Variants in PMM2 observed in about 807,000 individuals in gnomAD.
The protein encoded by PMM2 is phosphomannomutase 2.
A neutral mutation model predicts 33.2 loss-of-function variants in PMM2; 35 were observed. The observed-to-expected ratio is 1.06, with a 90% CI of 0.81 to 1.40. The LOEUF (loss-of-function observed/expected upper bound fraction) is 1.40. Ranked by LOEUF, PMM2 falls within the 40% of genes most tolerant of loss-of-function variation. PMM2 has a pLI of 0.00. For missense variants in PMM2, 386 were observed against 306.0 expected, an observed-to-expected ratio of 1.26 and a Z score of -1.95; for synonymous variants, 153 against 114.7, an observed-to-expected ratio of 1.33 and a Z score of -2.13.
chr16:8,815,627 G>T (rs576421891), intron 7 of PMM2, among the ~76,000 whole-genome samples: 11 of 152,244 alleles, frequency 7.2e-5, no homozygotes, highest in African/African-American at 1.7e-4. Context: ...AGTGAACACG[G>T]GGGTACAGAT....
At chr16:8,825,562 C>T (rs1438451113) in intron 7 of PMM2, among the ~76,000 whole-genome samples, 1 of 151,868 alleles carries the variant, frequency 6.6e-6, no homozygotes, top group Non-Finnish European at 1.5e-5. Context: ...CCCACGTGAT[C>T]GCCCACCTCA....
At chr16:8,836,078 A>T (rs1211487770) in intron 7 of PMM2, among the ~76,000 whole-genome samples, 1 of 151,602 alleles carries the variant, frequency 6.6e-6, no homozygotes, top group East Asian at 1.9e-4. Flanking sequence ...GGGGAGTTTT[A>T]AGAGGTTTAG....
chr16:8,814,945 C>T (rs1021825298), intron 7 of PMM2, among the ~76,000 whole-genome samples: 2 of 152,170 alleles, frequency 1.3e-5, no homozygotes, highest in Non-Finnish European at 1.5e-5. Context: ...ACACATCTTA[C>T]ATAACTGAGA....
chr16:8,820,252 A>T (rs539567962), intron 7 of PMM2, among the ~76,000 whole-genome samples: 4 of 152,110 alleles, frequency 2.6e-5, no homozygotes, highest in African/African-American at 9.6e-5. Context: ...ATCAGTGTGG[A>T]CCATGTTGAC....
chr16:8,820,650 G>A (rs1028032409), intron 7 of PMM2, among the ~76,000 whole-genome samples: 1 of 152,128 alleles, frequency 6.6e-6, no homozygotes, highest in African/African-American at 2.4e-5. Flanking sequence ...CACCACTCCC[G>A]ACCACAGTTG....
intron 4 of PMM2, chr16:8,810,625 G>C (rs111268601): frequency 0.016 from 2,466 of 156,588 alleles, 73 homozygotes; most frequent in African/African-American, 0.059. Flanking sequence ...CACCCAGACT[G>C]GAGTGCAGTG....
intron 7 of PMM2, among the ~76,000 whole-genome samples, chr16:8,836,908 C>G (rs759265467): frequency 6.6e-6 from 1 of 151,898 alleles, no homozygotes; most frequent in Non-Finnish European, 1.5e-5. Flanking sequence ...GCTCCAGCCA[C>G]CTTTTCAAGA....
intron 7 of PMM2, among the ~76,000 whole-genome samples, chr16:8,843,361 G>A (rs575177509): frequency 3.2e-4 from 48 of 152,126 alleles, no homozygotes; most frequent in African/African-American, 9.9e-4. Context: ...ATCTTCAGCC[G>A]CTAAGCCAAG....
At chr16:8,827,216 G>C (rs773992152) in intron 7 of PMM2, among the ~76,000 whole-genome samples, 2 of 151,778 alleles carry the variant, frequency 1.3e-5, no homozygotes, top group Non-Finnish European at 2.9e-5. Flanking sequence ...GGAGTCCCCA[G>C]CTGTCAGAAA....
In PMM2 at chr16:8,847,900, C is replaced by G; in HGVS notation, c.*75C>G. 1 of 1,126,258 alleles carries G rather than the reference C, an allele frequency of 8.9e-7. No homozygotes were observed. Among genetic ancestry groups the G allele is most frequent in the East Asian group, 2.4e-5 (1 of 41,412 alleles). The allele number at this position is 1,126,258 out of a possible 1,614,324, so 69.8% of individuals were successfully genotyped here. A position where few individuals can be genotyped will look rare whatever the true frequency, so the allele number is the denominator to read the frequency against. ...TTCGGTGGCCAGAGCCGAGGGTCCT[C>G]CCACACGTGCTCACCCACCCGCAGC... On this transcript the variant is annotated 3_prime_UTR_variant, in exon 8 of 8. Transcript: ENST00000268261.
intron 7 of PMM2, among the ~76,000 whole-genome samples, chr16:8,816,728 C>T (rs1205733926): frequency 2.6e-5 from 4 of 151,870 alleles, no homozygotes; most frequent in East Asian, 1.9e-4. Context: ...GCAACAAGAG[C>T]GAAACTCGGT....
intron 2 of PMM2, among the ~76,000 whole-genome samples, chr16:8,803,374 A>G (rs1158613106): frequency 6.6e-6 from 1 of 152,142 alleles, no homozygotes; most frequent in Admixed American, 6.5e-5. Context: ...CCCTTTCTGC[A>G]TCTAGTTGTG....
chr16:8,815,494 T>C (rs2060703044), intron 7 of PMM2, among the ~76,000 whole-genome samples: 2 of 152,200 alleles, frequency 1.3e-5, no homozygotes, highest in Admixed American at 1.3e-4. Context: ...GCCTCCTAAA[T>C]TGATGGGATT....
At chr16:8,806,958 C>T (rs17651644) in intron 4 of PMM2, 34,449 of 155,012 alleles carry the variant, frequency 0.22, 4,659 homozygotes, top group South Asian at 0.34. Context: ...GATTAATTGC[C>T]ATCATGTAAA....
intron 1 of PMM2, among the ~76,000 whole-genome samples, chr16:8,801,170 A>G (rs927084519): frequency 6.6e-6 from 1 of 152,248 alleles, no homozygotes; most frequent in Non-Finnish European, 1.5e-5. Context: ...TTTATGTTTC[A>G]AAAATAAGAC....
In PMM2 at chr16:8,811,105, G is replaced by A; in HGVS notation, c.374G>A (p.Gly125Glu). ...KRGTFIEFRN[G>E]MLNVSPIGRS... ...GGTACTTTCATTGAATTCCGAAATG[G>A]GATGTTAAACGTGTCCCCTATTGGA... Residue 125 changes from glycine to glutamate, a missense_variant, in exon 5 of 8, where the codon GGG (glycine) becomes GAG (glutamate). Coordinates refer to ENST00000268261, the MANE Select transcript of PMM2 (RefSeq NM_000303.3). 6.4e-7 allele frequency: 1 copy of A among 1,573,832 alleles called. No homozygotes were observed. Among genetic ancestry groups the A allele is most frequent in the Admixed American group, 1.8e-5 (1 of 56,106 alleles).
intron 7 of PMM2, among the ~76,000 whole-genome samples, chr16:8,836,531 G>C (rs7203331): frequency 6.6e-6 from 1 of 151,866 alleles, no homozygotes; most frequent in African/African-American, 2.4e-5. Context: ...CGGTTCAGGC[G>C]TTTGGAAGTT....
At chr16:8,836,506 A>G (rs2060848964) in intron 7 of PMM2, among the ~76,000 whole-genome samples, 1 of 151,938 alleles carries the variant, frequency 6.6e-6, no homozygotes, top group Non-Finnish European at 1.5e-5. Context: ...GTTCTGGAGG[A>G]ACGCCTGGCT....
At position 8,847,867 on chromosome 16, in the gene PMM2, A is replaced by G. The variant is rs896854799; in HGVS notation, c.*42A>G. The stretch of plus-strand genomic sequence containing the variant: ...GCGGGGTCCCGGCTGACAAGCCAGC[A>G]TAGGGCATTCGGTGGCCAGAGCCGA... On this transcript the variant is annotated 3_prime_UTR_variant, in exon 8 of 8. Transcript: ENST00000268261. 4 of 1,483,634 alleles carry G rather than the reference A, an allele frequency of 2.7e-6. No homozygotes were observed. Among genetic ancestry groups the G allele is most frequent in the Non-Finnish European group, 3.8e-6 (4 of 1,066,242 alleles). The allele number at this position is 1,483,634 out of a possible 1,614,324, so 91.9% of individuals were successfully genotyped here. A position where few individuals can be genotyped will look rare whatever the true frequency, so the allele number is the denominator to read the frequency against.
Sources: allele counts gnomAD v4.1 joint callset (sites outside exome capture counted in the v4.1 genomes callset), GRCh38; gene constraint gnomAD v4.1.1; transcripts MANE v1.5; gene names NCBI Gene and HGNC (gene_info 2026-07-23, HGNC 2026-07-21).